The following SPAG9 variants were observed in gnomAD, a reference collection of about 807,000 sequenced individuals.
SPAG9 encodes the protein sperm associated antigen 9.
In SPAG9, 35 loss-of-function variants were observed where a neutral mutation model predicts 166.5. The ratio of observed to expected loss-of-function variants is 0.21; its 90% CI spans 0.16 to 0.28. The LOEUF is 0.28. Ranked by LOEUF, SPAG9 falls within the 10% of genes least tolerant of loss-of-function variation. The pLI, the probability that SPAG9 is intolerant of heterozygous loss-of-function variation, is 1.00. For missense variants in SPAG9, 1,235 were observed against 1,603.3 expected (o/e 0.77, Z 3.92); for synonymous variants, 534 against 565.5 (o/e 0.94, Z 0.79).
intron 25 of SPAG9, among the ~76,000 whole-genome samples, chr17:50,980,266 C>T (rs1330259047): frequency 1.3e-5 from 2 of 151,908 alleles, no homozygotes; most frequent in Admixed American, 6.6e-5. Context: ...AGTGCAATGG[C>T]GCAATCTCGG....
intron 25 of SPAG9, 62 bp from the exon 26 acceptor site, chr17:50,979,979 G>C: frequency 2.0e-6 from 3 of 1,510,730 alleles, no homozygotes; most frequent in Non-Finnish European, 1.8e-6. Context: ...ATTTAAAACT[G>C]TGCTAATTTG....
At chr17:51,099,696 A>C (rs1375793534) in intron 1 of SPAG9, among the ~76,000 whole-genome samples, 1 of 147,026 alleles carries the variant, frequency 6.8e-6, no homozygotes, top group East Asian at 2.0e-4. Context: ...ACAGATCTTC[A>C]ATCCTGACAC....
Position 51,065,902 on chromosome 17 carries a change from C to T in SPAG9, c.425-9420G>A, listed in dbSNP as rs151041995. 4.5e-3 allele frequency among the ~76,000 whole-genome samples: 687 copies of T among 152,244 alleles called. 2 individuals are homozygous for T. The highest frequency in any genetic ancestry group is 6.5e-3 in the Non-Finnish European group (443 of 68,010). ...ATAAAGGGGGAAATGCCCATGTCTC[C>T]GCAAAAGCCACCCACTTATCTGAAA... is the stretch of plus-strand genomic sequence containing the variant. On this transcript the variant is annotated intron_variant, in intron 2 of 29. Coordinates refer to ENST00000262013, the MANE Select transcript of SPAG9 (RefSeq NM_001130528.3).
At chr17:50,990,778 G>A in intron 19 of SPAG9, 110 bp from the exon 20 acceptor site, 1 of 756,346 alleles carries the variant, frequency 1.3e-6, no homozygotes, top group East Asian at 2.6e-5. Flanking sequence ...AGATGTACAG[G>A]TAGTTGAATA....
rs1310075725 is a variant in SPAG9, at chr17:50,991,942, TTTTTTTTTTTA to T, written c.2399-1285_2399-1275del. On this transcript the variant is annotated intron_variant, in intron 19 of 29. Transcript: ENST00000262013. ...CCAGGTCTTTTTTTTTTTTTTTTTTTTTTTTTTTTTAAAACACAGGGTCTTACTCCCATTGC... is the reference window on the plus strand; with the variant it reads ...CCAGGTCTTTTTTTTTTTTTTTTTTTAAACACAGGGTCTTACTCCCATTGC... Among the ~76,000 whole-genome samples, 19 of 138,710 alleles carry T rather than the reference TTTTTTTTTTTA, an allele frequency of 1.4e-4. 1 individual carries two copies. In the South Asian group the frequency reaches 2.5e-3, roughly 18 times the overall value. The allele number at this position is 138,710 out of a possible 152,430, so 91.0% of individuals were successfully genotyped here.
chr17:50,970,907 TG>T, intron 28 of SPAG9, 51 bp from the exon 29 acceptor site: 2 of 1,498,632 alleles, frequency 1.3e-6, no homozygotes, highest in Non-Finnish European at 9.1e-7. Flanking sequence ...GAAGGGAGGC[TG>T]TTTTGTTTTT....
At chr17:51,093,209 T>C (rs898276405) in intron 1 of SPAG9, among the ~76,000 whole-genome samples, 2 of 150,408 alleles carry the variant, frequency 1.3e-5, no homozygotes, top group African/African-American at 4.9e-5. Context: ...ACCCTCTTTT[T>C]AAAAAAAACA....
chr17:51,075,188 T>G, intron 2 of SPAG9, among the ~76,000 whole-genome samples: 1 of 84,150 alleles, frequency 1.2e-5, no homozygotes, highest in Admixed American at 2.1e-4. Context: ...AGAGCCAGAC[T>G]CCATCTCAAA....
intron 1 of SPAG9, among the ~76,000 whole-genome samples, chr17:51,097,430 C>T (rs980216249): frequency 6.6e-6 from 1 of 152,028 alleles, no homozygotes; most frequent in Non-Finnish European, 1.5e-5. Context: ...ACTGTAATCC[C>T]AGTGATTCGG....
intron 2 of SPAG9, among the ~76,000 whole-genome samples, chr17:51,059,678 GGAGGCAGAGGTTGCAGT>G (rs1214593984): frequency 2.6e-5 from 4 of 151,956 alleles, no homozygotes; most frequent in South Asian, 2.1e-4. Flanking sequence ...CTTGAACCCA[GGAGGCAGAGGTTGCAGT>G]GAGGCAGAGG....
chr17:51,026,372 C>T (rs1287869483), intron 6 of SPAG9, among the ~76,000 whole-genome samples: 1 of 137,262 alleles, frequency 7.3e-6, no homozygotes, highest in African/African-American at 2.7e-5. Flanking sequence ...GAACCTAAAA[C>T]AGGAAAGGGA....
chr17:51,060,508 A>T (rs1402850008), intron 2 of SPAG9, among the ~76,000 whole-genome samples: 2 of 140,374 alleles, frequency 1.4e-5, no homozygotes, highest in African/African-American at 3.1e-5. Context: ...GTCTTTTTAA[A>T]AAAAAAAAAA....
At chr17:50,982,502 A>G in intron 25 of SPAG9, 22 bp downstream of exon 25, 1 of 1,591,738 alleles carries the variant, frequency 6.3e-7, no homozygotes, top group Non-Finnish European at 8.5e-7. Context: ...ATAAATACAG[A>G]AAACATAGGC....
intron 22 of SPAG9, among the ~76,000 whole-genome samples, chr17:50,986,233 T>TG (rs1209396468): frequency 2.0e-5 from 3 of 151,984 alleles, no homozygotes; most frequent in African/African-American, 2.4e-5. Flanking sequence ...AAAGTGTGTG[T>TG]GGGGGGGAAA....
intron 3 of SPAG9, 143 bp from the exon 4 acceptor site, chr17:51,047,612 G>T: frequency 4.1e-5 from 13 of 316,642 alleles, no homozygotes; most frequent in Non-Finnish European, 6.8e-5. Flanking sequence ...ATTAAGGAAT[G>T]AAAAAAATTT....
At position 51,120,152 on chromosome 17, in the gene SPAG9, A is replaced by G. The variant is rs1036241101; in HGVS notation, c.303+202T>C. ...CTCCATCTCGCTCCCTTCCCAGGAC[A>G]CTCAGTAGCCGGCCTCGGCTTCCAA... On this transcript the variant is annotated intron_variant, in intron 1 of 29. Transcript: ENST00000262013. This position sits in a 1 kb window ranked among gnomAD's most constrained non-coding sequence, Gnocchi z 4.7. Among the ~76,000 whole-genome samples, 1 of 152,088 alleles carries G rather than the reference A, an allele frequency of 6.6e-6. No homozygotes were observed.
intron 28 of SPAG9, among the ~76,000 whole-genome samples, chr17:50,974,020 G>T (rs561795114): frequency 6.6e-4 from 100 of 152,300 alleles, no homozygotes; most frequent in African/African-American, 2.3e-3. Flanking sequence ...CAGTTAGTTG[G>T]TGGGGGAAAG....
At position 51,110,567 on chromosome 17, in the gene SPAG9, T is replaced by C. The variant is rs567600569; in HGVS notation, c.303+9787A>G. ...AGCTGGGCGTGGTGGTGTACACCTG[T>C]AGTCCCATCTACTTGGGAGGCTGAG... On this transcript the variant is annotated intron_variant, in intron 1 of 29. Coordinates refer to ENST00000262013, the MANE Select transcript of SPAG9 (RefSeq NM_001130528.3). Among the ~76,000 whole-genome samples, 11 of 152,216 alleles carry C rather than the reference T, an allele frequency of 7.2e-5. No homozygotes were observed. The South Asian group carries it at 2.1e-3, about 29-fold the overall frequency.
At position 51,083,359 on chromosome 17, in the gene SPAG9, C is replaced by T. The variant is rs529137158; in HGVS notation, c.304-3655G>A. On this transcript the variant is annotated intron_variant, in intron 1 of 29. Transcript: ENST00000262013. ...AAGTGATTCTCCTGCCTCAGCTTCCCGCACAGCTGGGATTACAGGTGCCTG... is the reference window on the plus strand; with the variant it reads ...AAGTGATTCTCCTGCCTCAGCTTCCTGCACAGCTGGGATTACAGGTGCCTG... 2.7e-4 allele frequency among the ~76,000 whole-genome samples: 41 copies of T among 151,002 alleles called. 1 individual carries two copies. In the South Asian group the frequency reaches 5.2e-3, roughly 19 times the overall value.
Sources: gnomAD v4.1 joint callset for allele counts (sites outside exome capture counted in the v4.1 genomes callset) on GRCh38, gnomAD v4.1.1 for gene constraint, Gnocchi (gnomAD v3.1) non-coding constraint, MANE v1.5 for transcripts, NCBI Gene and HGNC (gene_info 2026-07-23, HGNC 2026-07-21) for gene names.